The following HCN1 variants were observed in gnomAD, a reference collection of about 807,000 sequenced individuals.
HCN1 encodes the protein potassium/sodium hyperpolarization-activated cyclic nucleotide-gated channel 1.
Under a neutral mutation model 78.9 loss-of-function variants are expected in HCN1, and 13 were observed. The ratio of observed to expected loss-of-function variants is 0.16; its 90% CI spans 0.11 to 0.26. The LOEUF is 0.26. HCN1 is among the 10% of genes least tolerant of loss of function. HCN1 has a pLI of 1.00. For missense variants in HCN1, 810 were observed against 1,154.3 expected (o/e 0.70, Z 4.32); for synonymous variants, 552 against 455.5 (o/e 1.21, Z -2.70).
At chr5:45,413,878 C>T (rs968236735) in intron 3 of HCN1, among the ~76,000 whole-genome samples, 2 of 151,934 alleles carry the variant, frequency 1.3e-5, no homozygotes, top group South Asian at 4.2e-4. Flanking sequence ...AATAAATTAT[C>T]TTTTTTTAGG....
chr5:45,627,245 C>T (rs1389090267), intron 2 of HCN1, among the ~76,000 whole-genome samples: 3 of 152,120 alleles, frequency 2.0e-5, no homozygotes, highest in Admixed American at 1.3e-4. Flanking sequence ...GCAAAATCAG[C>T]CATTTATCAC....
chr5:45,482,907 C>T (rs1032437500), intron 2 of HCN1, among the ~76,000 whole-genome samples: 1 of 152,142 alleles, frequency 6.6e-6, no homozygotes, highest in Non-Finnish European at 1.5e-5. Context: ...TAGCCTCCAG[C>T]CCCAACTATG....
chr5:45,655,883 CA>C (rs976556969), intron 1 of HCN1, among the ~76,000 whole-genome samples: 1 of 151,752 alleles, frequency 6.6e-6, no homozygotes, highest in Non-Finnish European at 1.5e-5. Context: ...GCTCTAAATG[CA>C]AAAAAACACT....
chr5:45,397,284 T>C (rs146194364), intron 3 of HCN1, among the ~76,000 whole-genome samples: 1 of 152,246 alleles, frequency 6.6e-6, no homozygotes, highest in African/African-American at 2.4e-5. Flanking sequence ...CTCGAAGTGA[T>C]GTATATTGTA....
chr5:45,652,655 A>G (rs1310724022), intron 1 of HCN1, among the ~76,000 whole-genome samples: 1 of 151,940 alleles, frequency 6.6e-6, no homozygotes, highest in African/African-American at 2.4e-5. Context: ...TGGCTTCCAA[A>G]TTTCCTGATA....
At chr5:45,535,677 A>G (rs1183857886) in intron 2 of HCN1, among the ~76,000 whole-genome samples, 1 of 152,142 alleles carries the variant, frequency 6.6e-6, no homozygotes, top group Non-Finnish European at 1.5e-5. Flanking sequence ...ATAACTCAAT[A>G]AGTCTCAGTG....
At chr5:45,274,817 T>G (rs1213173568) in intron 6 of HCN1, among the ~76,000 whole-genome samples, 1 of 152,174 alleles carries the variant, frequency 6.6e-6, no homozygotes, top group Non-Finnish European at 1.5e-5. Flanking sequence ...CCAGGGAAAA[T>G]TTATCTTTGT....
At chr5:45,308,790 T>A (rs1477688881) in intron 5 of HCN1, among the ~76,000 whole-genome samples, 1 of 152,116 alleles carries the variant, frequency 6.6e-6, no homozygotes, top group Non-Finnish European at 1.5e-5. Flanking sequence ...AGTTTGAAGT[T>A]GTGTAGCATG....
At chr5:45,476,480 C>T (rs1741517900) in intron 2 of HCN1, among the ~76,000 whole-genome samples, 1 of 152,150 alleles carries the variant, frequency 6.6e-6, no homozygotes, top group Non-Finnish European at 1.5e-5. Context: ...CATCAATTTA[C>T]TGTTGGATTT....
At chr5:45,607,564 T>G (rs374859587) in intron 2 of HCN1, among the ~76,000 whole-genome samples, 1 of 147,226 alleles carries the variant, frequency 6.8e-6, no homozygotes, top group East Asian at 2.0e-4. Context: ...TATAGACAAA[T>G]AGATCACAAT....
At chr5:45,494,930 G>A (rs1468506979) in intron 2 of HCN1, among the ~76,000 whole-genome samples, 3 of 149,286 alleles carry the variant, frequency 2.0e-5, no homozygotes, top group African/African-American at 4.9e-5. Context: ...CATTATTTCT[G>A]AGGGCTCTGT....
At position 45,667,470 on chromosome 5, in the gene HCN1, C is replaced by T. The variant is rs183964816; in HGVS notation, c.426-21862G>A. Among the ~76,000 whole-genome samples, 221 of 151,978 alleles carry T rather than the reference C, an allele frequency of 1.5e-3. 3 individuals carry two copies. The highest frequency in any genetic ancestry group is 6.8e-3 in the Middle Eastern group (2 of 294). The stretch of plus-strand genomic sequence containing the variant: ...CCCCATCACACTGAAAACTATAATT[C>T]CAAGAAGTTCCAAGAAAAGTAATGA... On this transcript the variant is annotated intron_variant, in intron 1 of 7. Coordinates refer to ENST00000303230, the MANE Select transcript of HCN1 (RefSeq NM_021072.4).
chr5:45,323,894 T>G (rs1333645775), intron 5 of HCN1, among the ~76,000 whole-genome samples: 2 of 152,014 alleles, frequency 1.3e-5, no homozygotes, highest in African/African-American at 4.8e-5. Context: ...CATGAACTCA[T>G]CATTTTTATA....
At position 45,255,990 on chromosome 5, in the gene HCN1, A is replaced by T. The variant is rs1054121474; in HGVS notation, c.*5931T>A. 3.3e-5 allele frequency: 5 copies of T among 152,186 alleles called. No homozygotes were observed. The highest frequency in any genetic ancestry group is 7.3e-5 in the Non-Finnish European group (5 of 68,030). The allele number at this position is 152,186 out of a possible 1,614,324, so 9.4% of individuals were successfully genotyped here. On this transcript the variant is annotated 3_prime_UTR_variant, in exon 8 of 8. Transcript: ENST00000303230. ...AGTGGTCCTCTTTTGAAGAATTATT[A>T]TATTTACTAATTTATTCAGATTTCT...
chr5:45,333,453 G>A (rs1746388393), intron 5 of HCN1, among the ~76,000 whole-genome samples: 1 of 151,502 alleles, frequency 6.6e-6, no homozygotes, highest in Non-Finnish European at 1.5e-5. Flanking sequence ...TTTTTACTTT[G>A]TTGTTTCTTT....
intron 2 of HCN1, among the ~76,000 whole-genome samples, chr5:45,494,745 A>C (rs1264326932): frequency 6.6e-6 from 1 of 152,182 alleles, no homozygotes; most frequent in Non-Finnish European, 1.5e-5. Context: ...CTAACGTTTA[A>C]GTCTTTACTC....
At chr5:45,425,182 A>G (rs543272448) in intron 3 of HCN1, among the ~76,000 whole-genome samples, 1 of 152,330 alleles carries the variant, frequency 6.6e-6, no homozygotes, top group Non-Finnish European at 1.5e-5. Context: ...CAACAGCATA[A>G]GTTAACTGCA....
At chr5:45,433,058 C>T (rs1740495413) in intron 3 of HCN1, among the ~76,000 whole-genome samples, 1 of 152,046 alleles carries the variant, frequency 6.6e-6, no homozygotes, top group South Asian at 2.1e-4. Context: ...ACCCCCATGA[C>T]CGCAATTACC....
At chr5:45,349,730 A>G (rs1020017199) in intron 5 of HCN1, among the ~76,000 whole-genome samples, 1 of 152,228 alleles carries the variant, frequency 6.6e-6, no homozygotes, top group Non-Finnish European at 1.5e-5. Context: ...CTGCCCACAG[A>G]GAATACTACA....
Sources: allele counts gnomAD v4.1 joint callset (sites outside exome capture counted in the v4.1 genomes callset), GRCh38; gene constraint gnomAD v4.1.1; transcripts MANE v1.5; gene names NCBI Gene and HGNC (gene_info 2026-07-23, HGNC 2026-07-21).